The following ING1 variants were observed in gnomAD, a reference collection of about 807,000 sequenced individuals.
ING1 encodes the protein inhibitor of growth family member 1.
In ING1, 4 loss-of-function variants were observed where a neutral mutation model predicts 23.1. That is an observed-to-expected ratio of 0.17 (90% CI 0.09 to 0.40). ING1 has a LOEUF of 0.40. Ranked by LOEUF, ING1 falls within the 10% of genes least tolerant of loss-of-function variation. The pLI is 1.00. For missense variants in ING1, 256 were observed against 393.8 expected, an observed-to-expected ratio of 0.65 and a Z score of 2.96; for synonymous variants, 179 against 166.4, an observed-to-expected ratio of 1.08 and a Z score of -0.58.
upstream of ING1, chr13:110,713,090 G>C (rs554664233): frequency 1.5e-5 from 21 of 1,440,752 alleles, no homozygotes; most frequent in South Asian, 1.6e-4. Context: ...TCCGCCTCCC[G>C]GAGGACTTGG....
intron 1 of ING1, among the ~76,000 whole-genome samples, chr13:110,716,712 T>C (rs759317100): frequency 6.6e-5 from 10 of 152,264 alleles, no homozygotes; most frequent in Non-Finnish European, 1.2e-4. Context: ...TAAATGTTGC[T>C]ACAACCCCAT....
In ING1 at chr13:110,714,032, G is replaced by A; in HGVS notation, c.-118G>A. 1 of 1,222,262 alleles carries A rather than the reference G, an allele frequency of 8.2e-7. No homozygotes were observed. Among genetic ancestry groups the A allele is most frequent in the Non-Finnish European group, 1.0e-6 (1 of 976,770 alleles). 75.7% of individuals were successfully genotyped at this position (1,222,262 alleles called of 1,614,324 possible). On this transcript the variant is annotated 5_prime_UTR_variant, in exon 1 of 2. Transcript: ENST00000333219. ...AGCCGCCGGGCCGAAGCAGGAGCCGGCGGGGGGGCGCCGGGAGAGCGAGGG... is the reference window on the plus strand; with the variant it reads ...AGCCGCCGGGCCGAAGCAGGAGCCGACGGGGGGGCGCCGGGAGAGCGAGGG...
intron 1 of ING1, among the ~76,000 whole-genome samples, chr13:110,718,672 A>T (rs886250088): frequency 1.3e-5 from 2 of 152,068 alleles, no homozygotes; most frequent in Non-Finnish European, 2.9e-5. Context: ...GTATATTAAA[A>T]TAAAGAAAAT....
At chr13:110,714,598 T>C (rs1012519856) in intron 1 of ING1, among the ~76,000 whole-genome samples, 7 of 152,010 alleles carry the variant, frequency 4.6e-5, no homozygotes, top group Admixed American at 2.0e-4. Context: ...CCAAGCCGCG[T>C]CCTCTAGGAG....
At chr13:110,713,505 C>T, upstream of ING1, 1 of 986,884 alleles carries the variant, frequency 1.0e-6, no homozygotes, top group Non-Finnish European at 1.2e-6. Context: ...CTCCGCGACC[C>T]TCGCCTCTGG....
Position 110,719,407 on chromosome 13 carries a change from G to C in ING1, c.315G>C (p.Gln105His). 1 of 1,611,560 alleles carries C rather than the reference G, an allele frequency of 6.2e-7. No individual in the cohort carries two copies. The highest frequency in any genetic ancestry group is 8.5e-7 in the Non-Finnish European group (1 of 1,179,732). Residue 105 changes from glutamine (Q) to histidine (H), a missense_variant, in exon 2 of 2, where the codon CAG becomes CAC. Coordinates refer to ENST00000333219, the MANE Select transcript of ING1 (RefSeq NM_198219.3). This position sits in a 1 kb window ranked among gnomAD's most constrained non-coding sequence, Gnocchi z 8.9. ...AGCTGGTGGAGAACCGCACGCGGCA[G>C]GTGGACAGCCACGTGGAGCTGTTCG... ...MVELVENRTR[Q>H]VDSHVELFEA... is the part of the protein sequence containing the mutation.
intron 1 of ING1, chr13:110,715,881 G>C (rs549407982): frequency 8.8e-6 from 14 of 1,589,980 alleles, no homozygotes; most frequent in Non-Finnish European, 1.1e-5. Context: ...CAGTGATCCC[G>C]GGCCTGTGGG....
rs1325007802 is a variant in ING1, at chr13:110,720,345, A to G, written c.*413A>G. 1 of 168,466 alleles carries G rather than the reference A, an allele frequency of 5.9e-6. No homozygotes were observed. Among genetic ancestry groups the G allele is most frequent in the Non-Finnish European group, 1.4e-5 (1 of 69,172 alleles). The allele number at this position is 168,466 out of a possible 1,614,324, so 10.4% of individuals were successfully genotyped here. A position where few individuals can be genotyped will look rare whatever the true frequency, so the allele number is the denominator to read the frequency against. ...CCATGTCGCCAAAAATACAGCCTATAGTAAATGTGTTTCTTGCTGCCATGA... is the reference window on the plus strand; with the variant it reads ...CCATGTCGCCAAAAATACAGCCTATGGTAAATGTGTTTCTTGCTGCCATGA... On this transcript the variant is annotated 3_prime_UTR_variant, in exon 2 of 2. Coordinates refer to ENST00000333219, the MANE Select transcript of ING1 (RefSeq NM_198219.3).
At chr13:110,716,440 T>A (rs1205604618) in intron 1 of ING1, among the ~76,000 whole-genome samples, 1 of 152,192 alleles carries the variant, frequency 6.6e-6, no homozygotes, top group Non-Finnish European at 1.5e-5. Context: ...CTCTGCCGCG[T>A]AGTTCTGAAA....
At chr13:110,713,613 C>T, upstream of ING1, 2 of 984,598 alleles carry the variant, frequency 2.0e-6, no homozygotes, top group Non-Finnish European at 2.4e-6. Context: ...CGGCGGGGGG[C>T]GGGGCCGTTG....
upstream of ING1, chr13:110,712,917 G>A (rs751857629): frequency 3.2e-6 from 5 of 1,551,508 alleles, no homozygotes; most frequent in Admixed American, 7.6e-5. Context: ...GGGCGGTGAC[G>A]GATGGCGCAG....
intron 1 of ING1, chr13:110,715,125 C>T: frequency 3.6e-6 from 4 of 1,104,886 alleles, no homozygotes; most frequent in Middle Eastern, 3.9e-4. Context: ...AGAGAGGTGG[C>T]GAGTTCGTGT....
At chr13:110,713,025 G>C (rs941338762), upstream of ING1, 8 of 1,497,288 alleles carry the variant, frequency 5.3e-6, no homozygotes, top group African/African-American at 8.4e-5. Context: ...GACACCGAGA[G>C]GGTGCCAGTG....
chr13:110,722,138 AG>A lies in ING1; in HGVS notation c.*2207del, dbSNP rs2064176494. ...TCCATTATAGAGGGTTACTTGGTAG[AG>A]AAATGCAAATTGTAGTTGGTCATAT... On this transcript the variant is annotated 3_prime_UTR_variant, in exon 2 of 2. Transcript: ENST00000333219. The A allele has an allele frequency of 6.6e-6, 1 of 152,220 alleles. No homozygotes were observed. The highest frequency in any genetic ancestry group is 1.5e-5 in the Non-Finnish European group (1 of 68,046). 9.4% of individuals were successfully genotyped at this position (152,220 alleles called of 1,614,324 possible). A position where few individuals can be genotyped will look rare whatever the true frequency, so the allele number is the denominator to read the frequency against.
At chr13:110,717,135 A>C (rs2064130631) in intron 1 of ING1, among the ~76,000 whole-genome samples, 1 of 152,218 alleles carries the variant, frequency 6.6e-6, no homozygotes, top group African/African-American at 2.4e-5. Context: ...ATTACTGATG[A>C]AAAGAAGTGA....
At position 110,713,932 on chromosome 13, in the gene ING1, C is replaced by A; in HGVS notation, c.-218C>A. 1 of 993,944 alleles carries A rather than the reference C, an allele frequency of 1.0e-6. No individual in the cohort carries two copies. Among genetic ancestry groups the A allele is most frequent in the Non-Finnish European group, 1.2e-6 (1 of 836,620 alleles). The allele number at this position is 993,944 out of a possible 1,614,324, so 61.6% of individuals were successfully genotyped here. A position where few individuals can be genotyped will look rare whatever the true frequency, so the allele number is the denominator to read the frequency against. On this transcript the variant is annotated 5_prime_UTR_variant, in exon 1 of 2. Coordinates refer to ENST00000333219, the MANE Select transcript of ING1 (RefSeq NM_198219.3). ...GGCCGGGGCGTGCGCCCGGGAGCCACCGCCACCGCGGCCCGCGCCCTCAGG... is the reference window on the plus strand; with the variant it reads ...GGCCGGGGCGTGCGCCCGGGAGCCAACGCCACCGCGGCCCGCGCCCTCAGG...
In ING1 at chr13:110,721,072, A is replaced by T. The variant is rs2064168653; in HGVS notation, c.*1140A>T. The T allele has an allele frequency of 1.8e-5, 3 of 167,066 alleles. No homozygotes were observed. Among genetic ancestry groups the T allele is most frequent in the African/African-American group, 7.2e-5 (3 of 41,480 alleles). 10.3% of individuals were successfully genotyped at this position (167,066 alleles called of 1,614,324 possible). On this transcript the variant is annotated 3_prime_UTR_variant, in exon 2 of 2. Transcript: ENST00000333219. ...TCCATAAATAAAGTTTCAGCGGAAC[A>T]CAGCCGTGCTTATGTGCGTATGTAT...
In ING1 at chr13:110,713,833, C is replaced by T; in HGVS notation, c.-317C>T. The T allele has an allele frequency of 1.0e-6, 1 of 983,372 alleles. No individual in the cohort carries two copies. Among genetic ancestry groups the T allele is most frequent in the Non-Finnish European group, 1.2e-6 (1 of 829,066 alleles). The allele number at this position is 983,372 out of a possible 1,614,324, so 60.9% of individuals were successfully genotyped here. A position where few individuals can be genotyped will look rare whatever the true frequency, so the allele number is the denominator to read the frequency against. On this transcript the variant is annotated 5_prime_UTR_variant, in exon 1 of 2. Transcript: ENST00000333219. ...GGCGGCCGCGGCGCTGGGCCCTCTC[C>T]CGCCGGTGTGTGCGCGCTCGTACGC...
chr13:110,715,704 C>A, intron 1 of ING1: 1 of 1,593,506 alleles, frequency 6.3e-7, no homozygotes, highest in Non-Finnish European at 8.5e-7. Flanking sequence ...GGTTCTCCTC[C>A]TGGCCTCCGC....
Sources: gnomAD v4.1 joint callset for allele counts (sites outside exome capture counted in the v4.1 genomes callset) on GRCh38, gnomAD v4.1.1 for gene constraint, Gnocchi (gnomAD v3.1) non-coding constraint, MANE v1.5 for transcripts, NCBI Gene and HGNC (gene_info 2026-07-23, HGNC 2026-07-21) for gene names.